Variants in OR56A3 observed in about 807,000 individuals in gnomAD.
OR56A3 encodes the protein olfactory receptor family 56 subfamily A member 3.
In OR56A3, 23 loss-of-function variants were observed where a neutral mutation model predicts 17.5. That is an observed-to-expected ratio of 1.32 (90% CI 0.95 to 1.87). OR56A3 has a LOEUF of 1.87. Ranked by LOEUF, OR56A3 falls within the 40% of genes most tolerant of loss-of-function variation. OR56A3 has a pLI of 0.00. For missense variants in OR56A3, 366 were observed against 380.1 expected, an observed-to-expected ratio of 0.96 and a Z score of 0.31; for synonymous variants, 175 against 150.6, an observed-to-expected ratio of 1.16 and a Z score of -1.19.
the OR56A3 span, chr11:5,986,956 C>CTATACACCACATCCTCA: frequency 6.2e-7 from 1 of 1,602,540 alleles, no homozygotes; most frequent in Non-Finnish European, 8.5e-7. Context: ...GCTACATTAT[C>CTATACACCACATCCTCA]ACATTGTCCA....
the OR56A3 span, among the ~76,000 whole-genome samples, chr11:5,988,925 C>A: frequency 6.6e-6 from 1 of 152,102 alleles, no homozygotes; most frequent in Non-Finnish European, 1.5e-5. Flanking sequence ...TGCACATGTG[C>A]GTGTAAAGAT....
In OR56A3 at chr11:5,947,526, C is replaced by G; in HGVS notation, c.180C>G (p.His60Gln). Residue 60 changes from histidine (H) to glutamine (Q), a missense_variant, in exon 3 of 3, where the codon CAC (histidine) becomes CAG (glutamine). By Grantham distance (24) the His-to-Gln change is conservative. Transcript: ENST00000641160. ...CCATCTGGCTGGAGGCCTCTCTGCA[C>G]CAGCCCCTGTACTACCTGCTCAGCC... ...LMTIWLEASL[H>Q]QPLYYLLSLL... 3 of 1,614,038 alleles carry G rather than the reference C, an allele frequency of 1.9e-6. No individual in the cohort carries two copies. Among genetic ancestry groups the G allele is most frequent in the Non-Finnish European group, 2.5e-6 (3 of 1,179,912 alleles).
chr11:6,003,242 T>C, the OR56A3 span: 2 of 748,458 alleles, frequency 2.7e-6, no homozygotes, highest in East Asian at 5.6e-5. Context: ...TACTAAGGAG[T>C]AATTAATATT....
the OR56A3 span, among the ~76,000 whole-genome samples, chr11:5,960,992 G>A: frequency 4.7e-5 from 7 of 149,810 alleles, no homozygotes; most frequent in East Asian, 4.0e-4. Context: ...CTGACCGGCC[G>A]CCCCATCTGA....
At chr11:5,971,793 C>T in the OR56A3 span, among the ~76,000 whole-genome samples, 1 of 152,136 alleles carries the variant, frequency 6.6e-6, no homozygotes, top group Non-Finnish European at 1.5e-5. Flanking sequence ...AATATTGTGT[C>T]CAATTCAATG....
In OR56A3 at chr11:5,951,050, T is replaced by G. The variant is rs1367930745; in HGVS notation, c.*2756T>G. ...TTTTAGAGGAGAGTAAAGTTTTTTT[T>G]GTTAATGCTGCAATAACATGAGTGC... On this transcript the variant is annotated 3_prime_UTR_variant, in exon 3 of 3. Transcript: ENST00000641160. 1 of 152,178 alleles carries G rather than the reference T, an allele frequency of 6.6e-6. No homozygotes were observed. The highest frequency in any genetic ancestry group is 1.5e-5 in the Non-Finnish European group (1 of 68,002). 9.4% of individuals were successfully genotyped at this position (152,178 alleles called of 1,614,324 possible).
Position 5,948,344 on chromosome 11 carries a change from A to C in OR56A3, c.*50A>C. On this transcript the variant is annotated 3_prime_UTR_variant, in exon 3 of 3. Transcript: ENST00000641160. ...TCTAAAATAAGATAATTTATTAATC[A>C]CTTAATGAGTGAGTGGGCTGAAATT... The C allele has an allele frequency of 1.5e-6, 2 of 1,294,842 alleles. No individual in the cohort carries two copies. The highest frequency in any genetic ancestry group is 2.2e-6 in the Non-Finnish European group (2 of 916,704). 80.2% of individuals were successfully genotyped at this position (1,294,842 alleles called of 1,614,324 possible).
the OR56A3 span, chr11:5,968,185 C>A: frequency 0.2 from 325,243 of 1,613,912 alleles, 35,953 homozygotes; most frequent in Admixed American, 0.35. Flanking sequence ...ATGATGAACA[C>A]CTGAAGGAAG....
At chr11:5,956,530 A>G in the OR56A3 span, among the ~76,000 whole-genome samples, 10 of 152,232 alleles carry the variant, frequency 6.6e-5, no homozygotes, top group African/African-American at 2.4e-4. Context: ...ACTATAAAAC[A>G]AAGTATTATT....
chr11:5,961,213 G>A, the OR56A3 span, among the ~76,000 whole-genome samples: 2 of 152,008 alleles, frequency 1.3e-5, no homozygotes, highest in South Asian at 2.1e-4. Flanking sequence ...GGAAAGTGAG[G>A]AGCCCCTCTT....
At chr11:5,986,931 G>T in the OR56A3 span, 1 of 1,611,452 alleles carries the variant, frequency 6.2e-7, no homozygotes, top group South Asian at 1.1e-5. Flanking sequence ...CCAAAGTCAT[G>T]ATTTCTGCAT....
At chr11:5,963,222 T>G in the OR56A3 span, among the ~76,000 whole-genome samples, 1 of 152,208 alleles carries the variant, frequency 6.6e-6, no homozygotes, top group African/African-American at 2.4e-5. Flanking sequence ...GTGTTAATAC[T>G]GGGTTTAGTT....
chr11:5,960,605 G>A, the OR56A3 span, among the ~76,000 whole-genome samples: 2 of 152,154 alleles, frequency 1.3e-5, no homozygotes, highest in African/African-American at 2.4e-5. Flanking sequence ...ATCTCGGCTC[G>A]CTACAACCTC....
the OR56A3 span, among the ~76,000 whole-genome samples, chr11:6,012,532 T>C: frequency 6.6e-6 from 1 of 152,170 alleles, no homozygotes; most frequent in Admixed American, 6.5e-5. Flanking sequence ...TCCCATTGTC[T>C]GCAGTTCTTA....
the OR56A3 span, among the ~76,000 whole-genome samples, chr11:5,991,744 G>A: frequency 6.6e-6 from 1 of 152,134 alleles, no homozygotes; most frequent in Non-Finnish European, 1.5e-5. Context: ...GCACCAACTT[G>A]TCACTGTTTC....
the OR56A3 span, chr11:6,021,515 T>C: frequency 1.3e-5 from 2 of 152,104 alleles, no homozygotes; most frequent in African/African-American, 4.8e-5. Flanking sequence ...TTATTATGTA[T>C]CAATTTTAAA....
chr11:5,946,212 CTA>C (rs1299833641), intron 2 of OR56A3, among the ~76,000 whole-genome samples: 1 of 152,212 alleles, frequency 6.6e-6, no homozygotes, highest in Non-Finnish European at 1.5e-5. Flanking sequence ...AGCCTATCCC[CTA>C]TGTCACACTC....
the OR56A3 span, among the ~76,000 whole-genome samples, chr11:6,008,156 A>G: frequency 6.6e-6 from 1 of 152,206 alleles, no homozygotes; most frequent in Non-Finnish European, 1.5e-5. Context: ...GGCTTTGGGC[A>G]TAAGAATCTT....
chr11:5,983,990 G>T, the OR56A3 span, among the ~76,000 whole-genome samples: 1 of 152,174 alleles, frequency 6.6e-6, no homozygotes, highest in African/African-American at 2.4e-5. Context: ...TTCCGCTAAG[G>T]TTCCATTTAT....
Sources: allele counts gnomAD v4.1 joint callset (sites outside exome capture counted in the v4.1 genomes callset), GRCh38; gene constraint gnomAD v4.1.1; transcripts MANE v1.5; gene names NCBI Gene and HGNC (gene_info 2026-07-23, HGNC 2026-07-21).